The following CERS1 variants were observed in gnomAD, a reference collection of about 807,000 sequenced individuals.
CERS1 encodes the protein ceramide synthase 1.
In CERS1, 16 loss-of-function variants were observed where a neutral mutation model predicts 35.7. The observed-to-expected ratio is 0.45, with a 90% CI of 0.30 to 0.68. The LOEUF (loss-of-function observed/expected upper bound fraction) is 0.68. CERS1 is among the 30% of genes least tolerant of loss of function. The pLI, the probability that CERS1 is intolerant of heterozygous loss-of-function variation, is 0.08. For missense variants in CERS1, 454 were observed against 453.9 expected, an observed-to-expected ratio of 1.00 and a Z score of 0.00; for synonymous variants, 243 against 201.6, an observed-to-expected ratio of 1.21 and a Z score of -1.74.
At chr19:18,896,736 C>G (rs972715831), upstream of CERS1, 5 of 152,316 alleles carry the variant, frequency 3.3e-5, no homozygotes, top group African/African-American at 1.2e-4. This position sits in a 1 kb window ranked among gnomAD's most constrained non-coding sequence, Gnocchi z 5.9. Flanking sequence ...CTAGTGGAGA[C>G]GCAGCTCTCT....
In CERS1 at chr19:18,869,156, A is replaced by G. The variant is rs2055912373; in HGVS notation, c.*829T>C. ...GCGCACTGGCGGCCCCAGGGCGGGCACCAACTGGCGGAGCAGCACCGGCCC... is the reference window on the plus strand; with the variant it reads ...GCGCACTGGCGGCCCCAGGGCGGGCGCCAACTGGCGGAGCAGCACCGGCCC... On this transcript the variant is annotated 3_prime_UTR_variant, in exon 8 of 8. Coordinates refer to ENST00000623882, the MANE Select transcript of CERS1 (RefSeq NM_021267.5). 7 of 1,130,798 alleles carry G rather than the reference A, an allele frequency of 6.2e-6. No individual in the cohort carries two copies. The highest frequency in any genetic ancestry group is 7.6e-6 in the Non-Finnish European group (7 of 922,720). The allele number at this position is 1,130,798 out of a possible 1,614,324, so 70.0% of individuals were successfully genotyped here.
chr19:18,875,827 C>T (rs922742716), intron 6 of CERS1, among the ~76,000 whole-genome samples: 2 of 152,176 alleles, frequency 1.3e-5, no homozygotes, highest in Non-Finnish European at 2.9e-5. Flanking sequence ...GAGACTGAGA[C>T]TGGAGCAATG....
chr19:18,886,848 C>T (rs951307086), intron 2 of CERS1, among the ~76,000 whole-genome samples: 2 of 152,236 alleles, frequency 1.3e-5, no homozygotes, highest in Non-Finnish European at 2.9e-5. Context: ...ATCCAGGGTC[C>T]CCTCTTTGGC....
rs569406577 is a variant in CERS1 at position 18,877,703 on chromosome 19, C to T, written c.1010+1227G>A. Among the ~76,000 whole-genome samples, 7 of 142,636 alleles carry T rather than the reference C, an allele frequency of 4.9e-5. No individual in the cohort carries two copies. The East Asian group carries it at 8.2e-4, about 17-fold the overall frequency. The allele number at this position is 142,636 out of a possible 152,430, so 93.6% of individuals were successfully genotyped here. Reference sequence around the variant, plus strand: ...CTGGGAGGCGGCGGTTGCAGCGAGCCGAGATCGTGCCACTGCACACTCCAG... The same window carrying T: ...CTGGGAGGCGGCGGTTGCAGCGAGCTGAGATCGTGCCACTGCACACTCCAG... On this transcript the variant is annotated intron_variant, in intron 6 of 7. Coordinates refer to ENST00000623882, the MANE Select transcript of CERS1 (RefSeq NM_021267.5).
chr19:18,887,817 A>C (rs1172568284), intron 2 of CERS1, among the ~76,000 whole-genome samples: 1 of 151,948 alleles, frequency 6.6e-6, no homozygotes, highest in East Asian at 1.9e-4. Context: ...TGTTAAGTAC[A>C]CATTATTGTG....
In CERS1 at chr19:18,869,387, G is replaced by C. The variant is rs766202026; in HGVS notation, c.*598C>G. 6.5e-7 allele frequency: 1 copy of C among 1,527,878 alleles called. No individual in the cohort carries two copies. Among genetic ancestry groups the C allele is most frequent in the Non-Finnish European group, 8.7e-7 (1 of 1,143,992 alleles). The allele number at this position is 1,527,878 out of a possible 1,614,324, so 94.6% of individuals were successfully genotyped here. A position where few individuals can be genotyped will look rare whatever the true frequency, so the allele number is the denominator to read the frequency against. On this transcript the variant is annotated 3_prime_UTR_variant, in exon 8 of 8. Transcript: ENST00000623882. ...GGCAGGCTCCGAGGCCCGGGTGGGC[G>C]CACCTGGGGAGGTAGGAACAGGAAC... is the stretch of plus-strand genomic sequence containing the variant.
chr19:18,874,277 C>T (rs1442955558), intron 6 of CERS1, among the ~76,000 whole-genome samples: 1 of 152,108 alleles, frequency 6.6e-6, no homozygotes, highest in Non-Finnish European at 1.5e-5. Flanking sequence ...CCTACATGGG[C>T]CAGATGTAGG....
chr19:18,888,220 A>G (rs907119201), intron 2 of CERS1, among the ~76,000 whole-genome samples: 2 of 151,612 alleles, frequency 1.3e-5, no homozygotes, highest in Non-Finnish European at 2.9e-5. Flanking sequence ...TTAGCCAGAC[A>G]TGGTGATACA....
chr19:18,891,895 C>CT lies in CERS1; in HGVS notation c.409+1520dup, dbSNP rs78480061. Among the ~76,000 whole-genome samples the CT allele has an allele frequency of 2.6e-3, 350 of 132,774 alleles. 2 individuals are homozygous for CT. Among genetic ancestry groups the CT allele is most frequent in the Middle Eastern group, 4.4e-3 (1 of 226 alleles). 87.1% of individuals were successfully genotyped at this position (132,774 alleles called of 152,430 possible). ...CGCCCAGCCCACTTCTCATTCTCAT[C>CT]TTTTTTTTTTTTTTTGGAAATGAAG... On this transcript the variant is annotated intron_variant, in intron 2 of 7. Transcript: ENST00000623882.
In CERS1 at chr19:18,878,757, G is replaced by A. The variant is rs1230820426; in HGVS notation, c.1010+173C>T. On this transcript the variant is annotated intron_variant, in intron 6 of 7. Coordinates refer to ENST00000623882, the MANE Select transcript of CERS1 (RefSeq NM_021267.5). This position sits in a 1 kb window ranked among gnomAD's most constrained non-coding sequence, Gnocchi z 4.6. ...CTTCCTCACTGTCCTGTCCTTCAGG[G>A]TACTGGCCACATCGTCCACGCCTTT... The A allele has an allele frequency of 1.4e-6, 2 of 1,436,090 alleles. No individual in the cohort carries two copies. The highest frequency in any genetic ancestry group is 1.8e-6 in the Non-Finnish European group (2 of 1,094,098). The allele number at this position is 1,436,090 out of a possible 1,614,324, so 89.0% of individuals were successfully genotyped here. A position where few individuals can be genotyped will look rare whatever the true frequency, so the allele number is the denominator to read the frequency against.
Position 18,883,277 on chromosome 19 carries a change from C to T in CERS1, c.590+810G>A, listed in dbSNP as rs375891949. 7 of 152,156 alleles carry T rather than the reference C, an allele frequency of 4.6e-5. No homozygotes were observed. The East Asian group carries it at 5.8e-4, about 13-fold the overall frequency. The allele number at this position is 152,156 out of a possible 1,614,324, so 9.4% of individuals were successfully genotyped here. A position where few individuals can be genotyped will look rare whatever the true frequency, so the allele number is the denominator to read the frequency against. ...TTCATTTTAAAGTTTCTATTGGCCA[C>T]ATTTAACAAGAAAGAGAAAAGAACA... On this transcript the variant is annotated intron_variant, in intron 3 of 7. Transcript: ENST00000623882.
intron 2 of CERS1, among the ~76,000 whole-genome samples, chr19:18,892,978 G>A (rs796847543): frequency 9.2e-5 from 14 of 151,798 alleles, no homozygotes; most frequent in African/African-American, 2.2e-4. Flanking sequence ...GTGCAGTGGC[G>A]CGAACTCGGC....
Position 18,895,860 on chromosome 19 carries a change from G to C in CERS1, c.213C>G (p.Thr71=). 1.6e-6 allele frequency: 2 copies of C among 1,285,934 alleles called. No homozygotes were observed. The highest frequency in any genetic ancestry group is 2.0e-6 in the Non-Finnish European group (2 of 1,016,830). 79.7% of individuals were successfully genotyped at this position (1,285,934 alleles called of 1,614,324 possible). A position where few individuals can be genotyped will look rare whatever the true frequency, so the allele number is the denominator to read the frequency against. ...GCGCAGTGGCCGCGGAGCGCAGGGC[G>C]GTCCAGCCCAGCGCGCCGAGCGCCA... ...LLLALGALGW[T]ALRSAATARL... Residue 71 remains threonine (T), a synonymous_variant, in exon 1 of 8, where the codon ACC becomes ACG. Transcript: ENST00000623882. This position sits in a 1 kb window ranked among gnomAD's most constrained non-coding sequence, Gnocchi z 6.4.
intron 5 of CERS1, 52 bp from the exon 6 acceptor site, chr19:18,879,091 C>A: frequency 1.2e-6 from 2 of 1,600,418 alleles, no homozygotes; most frequent in Non-Finnish European, 1.7e-6. Context: ...CACGCCACTG[C>A]CCTGCTGACA....
rs748219517 is a variant in CERS1 at position 18,870,162 on chromosome 19, G to A, written c.*415C>T. ...CGGCCGGAGCCTGGGGGCACCCTGG[G>A]GCTCATCGCGCAGTCCTAGAGCCTG... is the stretch of plus-strand genomic sequence containing the variant. On this transcript the variant is annotated 3_prime_UTR_variant, in exon 7 of 8. Transcript: ENST00000623882. This position sits in a 1 kb window ranked among gnomAD's most constrained non-coding sequence, Gnocchi z 5.1. 1.3e-6 allele frequency: 2 copies of A among 1,562,296 alleles called. No homozygotes were observed. The highest frequency in any genetic ancestry group is 8.6e-7 in the Non-Finnish European group (1 of 1,160,028).
intron 2 of CERS1, among the ~76,000 whole-genome samples, chr19:18,884,709 C>CTTTTTTT (rs36074874): frequency 3.0e-4 from 21 of 69,132 alleles, no homozygotes; most frequent in South Asian, 6.5e-4. Context: ...GCCCAGCCGT[C>CTTTTTTT]TTTTTTTTTT....
At chr19:18,886,654 T>C (rs1348899343) in intron 2 of CERS1, among the ~76,000 whole-genome samples, 1 of 152,208 alleles carries the variant, frequency 6.6e-6, no homozygotes, top group Non-Finnish European at 1.5e-5. Context: ...CTCCCTGTTC[T>C]CTGGCCACTC....
intron 6 of CERS1, chr19:18,877,905 A>G (rs1310824645): frequency 2.1e-6 from 2 of 951,074 alleles, no homozygotes; most frequent in East Asian, 1.2e-4. Context: ...GCTCGAGCCA[A>G]AAGTCTTGAG....
At chr19:18,872,343 T>G (rs185863919) in intron 6 of CERS1, among the ~76,000 whole-genome samples, 20 of 152,238 alleles carry the variant, frequency 1.3e-4, no homozygotes, top group African/African-American at 3.9e-4. Context: ...CTGTTATCTT[T>G]TTTTCTTGTT....
Sources: gnomAD v4.1 joint callset for allele counts (sites outside exome capture counted in the v4.1 genomes callset) on GRCh38, gnomAD v4.1.1 for gene constraint, Gnocchi (gnomAD v3.1) non-coding constraint, MANE v1.5 for transcripts, NCBI Gene and HGNC (gene_info 2026-07-23, HGNC 2026-07-21) for gene names.